Variants in CTNNA3 observed in about 807,000 individuals in gnomAD.
The protein encoded by CTNNA3 is catenin alpha-3.
A neutral mutation model predicts 95.7 loss-of-function variants in CTNNA3; 76 were observed. That is an observed-to-expected ratio of 0.79 (90% confidence interval 0.66 to 0.96). The LOEUF (loss-of-function observed/expected upper bound fraction) is 0.96, where lower values mean the gene tolerates loss of function less well. Among genes scored for constraint, CTNNA3 ranks in the 40% least tolerant of loss-of-function variants. The pLI, the probability that CTNNA3 is intolerant of heterozygous loss-of-function variation, is 0.00. For synonymous variants in CTNNA3, 431 were observed against 374.4 expected, an observed-to-expected ratio of 1.15 and a Z score of -1.74; for missense variants, 1,191 against 1,089.8, an observed-to-expected ratio of 1.09 and a Z score of -1.31.
chr10:67,735,451 CAACAAAA>C (rs1841297661), intron 1 of CTNNA3, among the ~76,000 whole-genome samples: 2 of 151,696 alleles, frequency 1.3e-5, no homozygotes, highest in African/African-American at 2.4e-5. Context: ...TATTAATCAA[CAACAAAA>C]AACAAAAAAC....
At chr10:66,316,040 C>T (rs1344236541) in intron 12 of CTNNA3, among the ~76,000 whole-genome samples, 1 of 152,062 alleles carries the variant, frequency 6.6e-6, no homozygotes, top group Non-Finnish European at 1.5e-5. Context: ...GAGTTAAGCT[C>T]CCATGGCATG....
intron 9 of CTNNA3, among the ~76,000 whole-genome samples, chr10:66,703,087 G>GT (rs1294813337): frequency 6.6e-6 from 1 of 152,032 alleles, no homozygotes; most frequent in African/African-American, 2.4e-5. Context: ...TATATTTTTT[G>GT]TGTATGTAAG....
At chr10:67,328,061 C>T (rs1033242356) in intron 5 of CTNNA3, among the ~76,000 whole-genome samples, 2 of 152,008 alleles carry the variant, frequency 1.3e-5, no homozygotes, top group African/African-American at 4.8e-5. Flanking sequence ...CAACAGAGGT[C>T]AGTGGGGAGA....
chr10:66,054,645 C>T (rs1445403458), intron 15 of CTNNA3, among the ~76,000 whole-genome samples: 2 of 152,090 alleles, frequency 1.3e-5, no homozygotes, highest in African/African-American at 4.8e-5. Context: ...GGGTCATTGG[C>T]AAATATTTTT....
chr10:66,763,337 C>CAGAGAGAGAGAGAG (rs1204351413), intron 9 of CTNNA3, among the ~76,000 whole-genome samples: 11 of 126,630 alleles, frequency 8.7e-5, no homozygotes, highest in East Asian at 6.0e-4. Flanking sequence ...CACACACACA[C>CAGAGAGAGAGAGAG]ACACAGAGAG....
chr10:66,866,074 T>C (rs1175601712), intron 7 of CTNNA3, among the ~76,000 whole-genome samples: 1 of 152,134 alleles, frequency 6.6e-6, no homozygotes, highest in Non-Finnish European at 1.5e-5. Flanking sequence ...ATCTAGGTCA[T>C]ATCCACCTAA....
intron 7 of CTNNA3, among the ~76,000 whole-genome samples, chr10:66,787,330 G>T (rs1840788174): frequency 6.6e-6 from 1 of 150,732 alleles, no homozygotes; most frequent in African/African-American, 2.4e-5. Context: ...CTACAGGAAA[G>T]AGCATTTTTA....
At chr10:67,453,659 T>G (rs1007395431) in intron 5 of CTNNA3, among the ~76,000 whole-genome samples, 1 of 152,200 alleles carries the variant, frequency 6.6e-6, no homozygotes, top group African/African-American at 2.4e-5. Context: ...AGAGCAAGCT[T>G]CATTAATAAA....
At position 66,617,142 on chromosome 10, in the gene CTNNA3, T is replaced by C. The variant is rs116687991; in HGVS notation, c.1374+4550A>G. ...ACTTTCTGTGTGAGTGTGTTATATA[T>C]AATAAAGGTAACAAATTAATATAAA... On this transcript the variant is annotated intron_variant, in intron 10 of 17. Coordinates refer to ENST00000433211, the MANE Select transcript of CTNNA3 (RefSeq NM_013266.4). Among the ~76,000 whole-genome samples the C allele has an allele frequency of 6.4e-3, 978 of 152,052 alleles. 11 individuals are homozygous for C. The highest frequency in any genetic ancestry group is 0.022 in the African/African-American group (920 of 41,494).
intron 5 of CTNNA3, among the ~76,000 whole-genome samples, chr10:67,238,223 T>G (rs1401596748): frequency 1.3e-5 from 2 of 151,900 alleles, no homozygotes; most frequent in African/African-American, 4.8e-5. Flanking sequence ...GGGCCAGAAA[T>G]AGAGATATGT....
chr10:67,149,263 A>G, intron 7 of CTNNA3, among the ~76,000 whole-genome samples: 1 of 152,124 alleles, frequency 6.6e-6, no homozygotes, highest in East Asian at 1.9e-4. Context: ...TGTCTTCTTC[A>G]ACTATAAGTA....
intron 5 of CTNNA3, among the ~76,000 whole-genome samples, chr10:67,429,334 A>G (rs771583765): frequency 5.9e-5 from 9 of 152,068 alleles, no homozygotes; most frequent in Non-Finnish European, 8.8e-5. Context: ...TTTTTTATAA[A>G]AGGCAAAGAG....
intron 13 of CTNNA3, among the ~76,000 whole-genome samples, chr10:66,184,259 A>G (rs1337224188): frequency 1.3e-5 from 2 of 152,190 alleles, no homozygotes; most frequent in Non-Finnish European, 2.9e-5. Context: ...AGATTGCACC[A>G]CTGATCTCCA....
intron 11 of CTNNA3, among the ~76,000 whole-genome samples, chr10:66,511,327 T>C (rs1044446656): frequency 6.6e-6 from 1 of 151,804 alleles, no homozygotes; most frequent in African/African-American, 2.4e-5. Context: ...AACTAACTTT[T>C]TTCATGAATC....
intron 5 of CTNNA3, among the ~76,000 whole-genome samples, chr10:67,376,303 G>A (rs754347702): frequency 1.3e-5 from 2 of 152,156 alleles, no homozygotes; most frequent in Non-Finnish European, 2.9e-5. Context: ...TGCCTGCAAG[G>A]GAGGCTGGAC....
intron 7 of CTNNA3, among the ~76,000 whole-genome samples, chr10:66,915,751 C>T (rs973004651): frequency 4.7e-5 from 4 of 85,296 alleles, no homozygotes; most frequent in Non-Finnish European, 1.0e-4. Flanking sequence ...TACATATATA[C>T]ATTTTTTTTT....
intron 13 of CTNNA3, among the ~76,000 whole-genome samples, chr10:66,116,712 C>T (rs887126998): frequency 2.6e-5 from 4 of 152,050 alleles, no homozygotes; most frequent in African/African-American, 7.2e-5. Flanking sequence ...GATGTTTAAT[C>T]GACTCACAAT....
At chr10:66,034,322 A>C (rs1451342364) in intron 15 of CTNNA3, among the ~76,000 whole-genome samples, 1 of 151,786 alleles carries the variant, frequency 6.6e-6, no homozygotes, top group Non-Finnish European at 1.5e-5. Context: ...TGATACTGTG[A>C]AGTTCTCGGC....
chr10:66,253,486 A>G (rs533518406), intron 13 of CTNNA3, among the ~76,000 whole-genome samples: 1 of 152,104 alleles, frequency 6.6e-6, no homozygotes. Context: ...ACACTATCCA[A>G]TTATAAACTT....
Sources: gnomAD v4.1 joint callset for allele counts (sites outside exome capture counted in the v4.1 genomes callset) on GRCh38, gnomAD v4.1.1 for gene constraint, MANE v1.5 for transcripts, NCBI Gene and HGNC (gene_info 2026-07-23, HGNC 2026-07-21) for gene names.